Variants in TRABD2B observed in about 807,000 individuals in gnomAD.
TRABD2B encodes TraB domain containing 2B.
Under a neutral mutation model 40.1 loss-of-function variants are expected in TRABD2B, and 14 were observed. The ratio of observed to expected loss-of-function variants is 0.35; its 90% confidence interval spans 0.23 to 0.55. TRABD2B has a LOEUF of 0.55. Ranked by LOEUF, TRABD2B falls within the 20% of genes least tolerant of loss-of-function variation. The pLI is 0.90. For missense variants in TRABD2B, 541 were observed against 648.6 expected (o/e 0.83, Z 1.80); for synonymous variants, 263 against 277.0 (o/e 0.95, Z 0.50).
intron 2 of TRABD2B, among the ~76,000 whole-genome samples, chr1:47,863,057 A>C (rs1643997863): frequency 6.6e-6 from 1 of 152,060 alleles, no homozygotes; most frequent in Non-Finnish European, 1.5e-5. Context: ...CTTCACAAAA[A>C]TTAAGACAAA....
chr1:47,855,460 T>A (rs58513405), intron 2 of TRABD2B, among the ~76,000 whole-genome samples: 3 of 152,272 alleles, frequency 2.0e-5, no homozygotes, highest in African/African-American at 7.2e-5. Flanking sequence ...GTTCTGTTTT[T>A]AAATTTGCAT....
At chr1:47,969,856 T>G (rs980998719) in intron 2 of TRABD2B, among the ~76,000 whole-genome samples, 1 of 152,044 alleles carries the variant, frequency 6.6e-6, no homozygotes, top group Non-Finnish European at 1.5e-5. Flanking sequence ...CCCTGCCATG[T>G]CCTCATGATC....
At chr1:47,955,916 T>C (rs1242963898) in intron 2 of TRABD2B, among the ~76,000 whole-genome samples, 1 of 152,172 alleles carries the variant, frequency 6.6e-6, no homozygotes, top group Non-Finnish European at 1.5e-5. Context: ...AAGCAGCCTG[T>C]ACCTCCTAGG....
intron 4 of TRABD2B, among the ~76,000 whole-genome samples, chr1:47,792,714 C>T (rs1644691418): frequency 6.6e-6 from 1 of 152,170 alleles, no homozygotes; most frequent in Non-Finnish European, 1.5e-5. Flanking sequence ...TGCTCACAGA[C>T]AGAGCTGGTG....
intron 2 of TRABD2B, among the ~76,000 whole-genome samples, chr1:47,897,962 T>C (rs1388815314): frequency 6.6e-6 from 1 of 152,186 alleles, no homozygotes; most frequent in African/African-American, 2.4e-5. Flanking sequence ...AAAAAATAAC[T>C]GGAAGTTACT....
chr1:47,937,039 TCAC>T (rs1445378459), intron 2 of TRABD2B, among the ~76,000 whole-genome samples: 10 of 117,382 alleles, frequency 8.5e-5, no homozygotes, highest in South Asian at 3.2e-4. Context: ...ATCATCACCA[TCAC>T]CACCACCACC....
chr1:47,844,895 G>A (rs1645447599), intron 2 of TRABD2B, among the ~76,000 whole-genome samples: 2 of 152,136 alleles, frequency 1.3e-5, no homozygotes, highest in Admixed American at 1.3e-4. Context: ...ACAGACTGAT[G>A]GGCCCCTGTA....
Position 47,939,543 on chromosome 1 carries a change from C to T in TRABD2B, c.666+54491G>A, listed in dbSNP as rs181994072. 2.0e-5 allele frequency among the ~76,000 whole-genome samples: 3 copies of T among 152,316 alleles called. No homozygotes were observed. In the East Asian group the frequency reaches 5.8e-4, roughly 29 times the overall value. ...CTGAGTTCTCTTTTAGTCCTCTCAACAGCCCTATGAGACAGGGACACTGTA... is the reference window on the plus strand; with the variant it reads ...CTGAGTTCTCTTTTAGTCCTCTCAATAGCCCTATGAGACAGGGACACTGTA... On this transcript the variant is annotated intron_variant, in intron 2 of 6. Coordinates refer to ENST00000606738, the MANE Select transcript of TRABD2B (RefSeq NM_001194986.2).
At chr1:47,784,323 CT>C (rs1311752326) in intron 4 of TRABD2B, among the ~76,000 whole-genome samples, 1 of 152,198 alleles carries the variant, frequency 6.6e-6, no homozygotes, top group Non-Finnish European at 1.5e-5. Context: ...ACATGCGTCC[CT>C]TCCAAGGTTC....
At chr1:47,977,067 C>T (rs1280548808) in intron 2 of TRABD2B, among the ~76,000 whole-genome samples, 1 of 147,404 alleles carries the variant, frequency 6.8e-6, no homozygotes, top group Non-Finnish European at 1.5e-5. Context: ...AAGGTTTAGT[C>T]CTTTTTTTTT....
At chr1:47,962,052 T>C (rs1645525604) in intron 2 of TRABD2B, among the ~76,000 whole-genome samples, 1 of 152,198 alleles carries the variant, frequency 6.6e-6, no homozygotes, top group African/African-American at 2.4e-5. Flanking sequence ...GATGAGTTCA[T>C]GTCCTTTGTA....
intron 2 of TRABD2B, among the ~76,000 whole-genome samples, chr1:47,940,063 C>A (rs771798039): frequency 1.3e-5 from 2 of 152,344 alleles, no homozygotes; most frequent in East Asian, 3.9e-4. Flanking sequence ...CCCTGATGCA[C>A]CCTTTATTAA....
chr1:47,782,733 G>A (rs1009823874), intron 4 of TRABD2B, among the ~76,000 whole-genome samples: 11 of 152,106 alleles, frequency 7.2e-5, no homozygotes, highest in African/African-American at 2.4e-4. Flanking sequence ...AGAGCATGCC[G>A]TCCTCAGGAG....
chr1:47,770,495 G>C (rs1331345617), intron 6 of TRABD2B, among the ~76,000 whole-genome samples: 1 of 152,240 alleles, frequency 6.6e-6, no homozygotes, highest in Non-Finnish European at 1.5e-5. Flanking sequence ...GGGCAGACAG[G>C]CTTGTTTTCT....
At chr1:47,890,439 C>T (rs1644429382) in intron 2 of TRABD2B, among the ~76,000 whole-genome samples, 1 of 152,170 alleles carries the variant, frequency 6.6e-6, no homozygotes, top group African/African-American at 2.4e-5. Flanking sequence ...GTGCTCAAGC[C>T]TTGCTGGCCT....
intron 2 of TRABD2B, among the ~76,000 whole-genome samples, chr1:47,968,574 CA>C (rs562013364): frequency 7.2e-5 from 11 of 152,260 alleles, no homozygotes; most frequent in African/African-American, 2.4e-4. Context: ...ACACACGCTC[CA>C]AGACAACATA....
chr1:47,903,913 G>C (rs1280850420), intron 2 of TRABD2B, among the ~76,000 whole-genome samples: 5 of 152,168 alleles, frequency 3.3e-5, no homozygotes, highest in Admixed American at 3.3e-4. Flanking sequence ...GCTCCAGTTT[G>C]GTCAGATCAG....
At chr1:47,995,062 T>C (rs80128631) in intron 1 of TRABD2B, among the ~76,000 whole-genome samples, 1 of 151,664 alleles carries the variant, frequency 6.6e-6, no homozygotes, top group African/African-American at 2.4e-5. Context: ...ATGCGGAGGG[T>C]GGGGAAAGGA....
At chr1:47,858,283 G>C (rs1386711300) in intron 2 of TRABD2B, among the ~76,000 whole-genome samples, 1 of 144,976 alleles carries the variant, frequency 6.9e-6, no homozygotes, top group Admixed American at 7.0e-5. Context: ...TTTGAGACAG[G>C]GTCTTGCTCC....
Sources: gnomAD v4.1 joint callset for allele counts (sites outside exome capture counted in the v4.1 genomes callset) on GRCh38, gnomAD v4.1.1 for gene constraint, MANE v1.5 for transcripts, NCBI Gene and HGNC (gene_info 2026-07-23, HGNC 2026-07-21) for gene names.